The following COG7 variants were observed in gnomAD, a reference collection of about 807,000 sequenced individuals.
COG7 encodes the protein conserved oligomeric Golgi complex subunit 7.
In COG7, 49 loss-of-function variants were observed where a neutral mutation model predicts 91.5. That is an observed-to-expected ratio of 0.54 (90% CI 0.43 to 0.68). The LOEUF (loss-of-function observed/expected upper bound fraction) is 0.68, where lower values mean the gene tolerates loss of function less well. Ranked by LOEUF, COG7 falls within the 30% of genes least tolerant of loss-of-function variation. COG7 has a pLI of 0.00. For missense variants in COG7, 895 were observed against 961.3 expected, an observed-to-expected ratio of 0.93 and a Z score of 0.91; for synonymous variants, 365 against 388.7, an observed-to-expected ratio of 0.94 and a Z score of 0.72.
intron 10 of COG7, among the ~76,000 whole-genome samples, chr16:23,411,922 C>T (rs1359805197): frequency 6.6e-6 from 1 of 151,278 alleles, no homozygotes; most frequent in Non-Finnish European, 1.5e-5. Context: ...GCTCTGTCAC[C>T]CAGGCTGGAG....
chr16:23,448,572 A>G (rs752796932), intron 1 of COG7, among the ~76,000 whole-genome samples: 5 of 152,086 alleles, frequency 3.3e-5, no homozygotes, highest in Non-Finnish European at 7.4e-5. Flanking sequence ...TCAGCTTCCC[A>G]AAGCACTGAG....
intron 10 of COG7, chr16:23,413,115 C>A (rs1003155258): frequency 6.1e-6 from 2 of 326,698 alleles, no homozygotes; most frequent in Non-Finnish European, 1.2e-5. Context: ...AATACATAAG[C>A]CCTAAGTTAT....
chr16:23,407,314 G>A (rs1186298188), intron 11 of COG7, among the ~76,000 whole-genome samples: 2 of 152,146 alleles, frequency 1.3e-5, no homozygotes, highest in Non-Finnish European at 2.9e-5. Flanking sequence ...GTCAAACTGT[G>A]GCCTGTCTCT....
chr16:23,415,701 A>AC (rs1435942819), intron 9 of COG7: 6 of 151,706 alleles, frequency 4.0e-5, no homozygotes, highest in African/African-American at 1.2e-4. Context: ...CAGTCTTAAT[A>AC]CCCCTCCTTC....
chr16:23,417,072 T>C lies in COG7; in HGVS notation c.1187A>G (p.Asn396Ser). Residue 396 changes from asparagine (N) to serine (S), a missense_variant, in exon 9 of 17, where the codon AAC becomes AGC. Asn to Ser is a conservative substitution (Grantham distance 46). Transcript: ENST00000307149. ...DCVQELSHSVNKLFGLASAAV... is the reference protein window; with the variant it reads ...DCVQELSHSVSKLFGLASAAV... ...TGCAGACGCCAGACCAAACAGCTTG[T>C]TCACGGAGTGGCTCAGCTCCTGCAC... 6.2e-7 allele frequency: 1 copy of C among 1,614,202 alleles called. No individual in the cohort carries two copies. Among genetic ancestry groups the C allele is most frequent in the Non-Finnish European group, 8.5e-7 (1 of 1,180,032 alleles).
At chr16:23,413,411 C>T (rs377015495) in intron 10 of COG7, 37 bp downstream of exon 10, 14 of 1,040,904 alleles carry the variant, frequency 1.3e-5, no homozygotes, top group Non-Finnish European at 2.1e-5. Context: ...ATGCTGGCTA[C>T]ATTAGGAACA....
intron 11 of COG7, among the ~76,000 whole-genome samples, chr16:23,407,215 A>C (rs1470215544): frequency 6.6e-6 from 1 of 152,222 alleles, no homozygotes; most frequent in African/African-American, 2.4e-5. Flanking sequence ...CACTGCTGAC[A>C]TAAGCAGCTA....
intron 4 of COG7, among the ~76,000 whole-genome samples, chr16:23,439,307 A>C (rs1390699049): frequency 1.2e-4 from 17 of 140,198 alleles, no homozygotes; most frequent in Admixed American, 9.0e-4. Context: ...GTGTCTCCAA[A>C]AAAAAAAAAA....
chr16:23,437,596 C>T (rs774619169), intron 4 of COG7, among the ~76,000 whole-genome samples: 88 of 152,126 alleles, frequency 5.8e-4, no homozygotes, highest in Non-Finnish European at 1.5e-4. Flanking sequence ...AAGAGCACAG[C>T]GGAGAATATA....
chr16:23,413,255 G>C, intron 10 of COG7, 193 bp downstream of exon 10: 2 of 569,078 alleles, frequency 3.5e-6, no homozygotes, highest in Non-Finnish European at 6.4e-6. Context: ...AGCTGGAGGG[G>C]TCTTTTTGTT....
Position 23,433,598 on chromosome 16 carries a change from G to C in COG7, c.757C>G (p.Leu253Val). ...DLSLDRQLTG[L>V]YDALLGAWHT... ...CAAGCACCAAGCAAGGCATCATAGA[G>C]TCCGGTAAGCTGCCGGTCCAGGGAT... Residue 253 changes from leucine to valine, a missense_variant, in exon 6 of 17, where the codon CTC (leucine) becomes GTC (valine). By Grantham distance (32) the Leu-to-Val change is conservative. Coordinates refer to ENST00000307149, the MANE Select transcript of COG7 (RefSeq NM_153603.4). 1 of 1,614,098 alleles carries C rather than the reference G, an allele frequency of 6.2e-7. No homozygotes were observed. Among genetic ancestry groups the C allele is most frequent in the Non-Finnish European group, 8.5e-7 (1 of 1,180,012 alleles).
chr16:23,440,830 T>G (rs1017838599), intron 4 of COG7, among the ~76,000 whole-genome samples: 1 of 151,916 alleles, frequency 6.6e-6, no homozygotes. Context: ...CAAACCAGAG[T>G]CATGGATTCA....
At chr16:23,408,214 G>T (rs35189566) in intron 11 of COG7, among the ~76,000 whole-genome samples, 1 of 666 alleles carries the variant, frequency 1.5e-3, no homozygotes, top group Non-Finnish European at 4.0e-3. Flanking sequence ...CGGGAGGCAG[G>T]GGGCGAGTGT....
intron 1 of COG7, among the ~76,000 whole-genome samples, chr16:23,448,174 A>G (rs990451155): frequency 3.3e-5 from 5 of 152,124 alleles, no homozygotes; most frequent in African/African-American, 1.2e-4. Context: ...ATGAAGCTTT[A>G]AACCTATGAA....
At chr16:23,417,354 C>G (rs1963674376) in intron 8 of COG7, 1 of 572,416 alleles carries the variant, frequency 1.7e-6, no homozygotes, top group Non-Finnish European at 3.1e-6. Flanking sequence ...GAATGTCTGT[C>G]TACTTGATCC....
At chr16:23,397,907 T>TGCAGACTACCCCAAAGC in intron 14 of COG7, 139 bp downstream of exon 14, 1 of 722,368 alleles carries the variant, frequency 1.4e-6, no homozygotes, top group Non-Finnish European at 2.5e-6. Flanking sequence ...AGGATCTGGG[T>TGCAGACTACCCCAAAGC]GCAGACTACC....
intron 15 of COG7, 74 bp downstream of exon 15, chr16:23,393,159 G>T: frequency 9.7e-7 from 1 of 1,028,430 alleles, no homozygotes; most frequent in Non-Finnish European, 1.5e-6. Context: ...CCAAGGATAA[G>T]GTGTCATCTG....
intron 2 of COG7, among the ~76,000 whole-genome samples, 188 bp from the exon 3 acceptor site, chr16:23,445,352 C>T (rs953201019): frequency 4.6e-5 from 7 of 152,032 alleles, no homozygotes; most frequent in Admixed American, 6.6e-5. Context: ...AAGACCCAAG[C>T]AAAAGCATAG....
chr16:23,453,138 C>T lies in COG7; in HGVS notation c.-144G>A, dbSNP rs908992145. ...GAAACGCCAGGACGGGTAACTTGCC[C>T]CTTTGCGCTTCCCCGCTCAGCGCAC... On this transcript the variant is annotated 5_prime_UTR_variant, in exon 1 of 17. Transcript: ENST00000307149. 5 of 1,460,956 alleles carry T rather than the reference C, an allele frequency of 3.4e-6. No individual in the cohort carries two copies. The highest frequency in any genetic ancestry group is 4.5e-6 in the Non-Finnish European group (5 of 1,104,156). The allele number at this position is 1,460,956 out of a possible 1,614,324, so 90.5% of individuals were successfully genotyped here. A position where few individuals can be genotyped will look rare whatever the true frequency, so the allele number is the denominator to read the frequency against.
Sources: allele counts gnomAD v4.1 joint callset (sites outside exome capture counted in the v4.1 genomes callset), GRCh38; gene constraint gnomAD v4.1.1; transcripts MANE v1.5; gene names NCBI Gene and HGNC (gene_info 2026-07-23, HGNC 2026-07-21).